The following ASIP variants were observed in gnomAD, a reference collection of about 807,000 sequenced individuals.
ASIP encodes the protein agouti signaling protein.
ASIP carries 11 observed loss-of-function variants against 10.3 expected under a neutral mutation model. The ratio of observed to expected loss-of-function variants is 1.07; its 90% CI spans 0.68 to 1.78. The LOEUF (loss-of-function observed/expected upper bound fraction) is 1.78. ASIP is among the 40% of genes most tolerant of loss of function. The probability of loss-of-function intolerance (pLI) is 0.00; values close to 1 mark genes in which losing one functional copy is unlikely to be tolerated. For missense variants in ASIP, 180 were observed against 169.2 expected, an observed-to-expected ratio of 1.06 and a Z score of -0.35; for synonymous variants, 70 against 70.8, an observed-to-expected ratio of 0.99 and a Z score of 0.06.
intron 1 of ASIP, among the ~76,000 whole-genome samples, chr20:34,211,870 AG>A (rs2034977156): frequency 6.6e-6 from 1 of 152,174 alleles, no homozygotes; most frequent in African/African-American, 2.4e-5. Context: ...TCACATGCCT[AG>A]GTGTACATTT....
chr20:34,250,041 G>T (rs2035447763), intron 1 of ASIP: 1 of 152,238 alleles, frequency 6.6e-6, no homozygotes, highest in Admixed American at 6.5e-5. Flanking sequence ...CTCCATGCTG[G>T]GGTCCAGCTG....
chr20:34,206,146 C>G (rs899353831), intron 1 of ASIP, among the ~76,000 whole-genome samples: 11 of 152,076 alleles, frequency 7.2e-5, no homozygotes, highest in African/African-American at 2.4e-4. Flanking sequence ...GTGCCCGCCT[C>G]TATACCAAGA....
chr20:34,257,700 CTCTGCCTCCACAA>C (rs2035597905), intron 1 of ASIP, among the ~76,000 whole-genome samples: 1 of 152,036 alleles, frequency 6.6e-6, no homozygotes, highest in East Asian at 1.9e-4. Flanking sequence ...GTAATTTTTC[CTCTGCCTCCACAA>C]TCCAAGTTTA....
At chr20:34,256,461 C>T (rs543630401) in intron 1 of ASIP, among the ~76,000 whole-genome samples, 28 of 152,302 alleles carry the variant, frequency 1.8e-4, no homozygotes, top group African/African-American at 6.0e-4. Context: ...CGATAACACC[C>T]GGCTAATTTT....
chr20:34,202,801 C>CTTTT (rs34156089), intron 1 of ASIP, among the ~76,000 whole-genome samples: 238 of 57,216 alleles, frequency 4.2e-3, no homozygotes, highest in African/African-American at 0.014. Flanking sequence ...CTTGGCTATT[C>CTTTT]TTTTTTTTTT....
At chr20:34,256,211 G>C (rs887497851) in intron 1 of ASIP, among the ~76,000 whole-genome samples, 3 of 152,218 alleles carry the variant, frequency 2.0e-5, no homozygotes, top group African/African-American at 7.2e-5. Flanking sequence ...CGTGACTTGT[G>C]TAACCTTATC....
chr20:34,212,231 A>C (rs1437313965), intron 1 of ASIP, among the ~76,000 whole-genome samples: 1 of 152,172 alleles, frequency 6.6e-6, no homozygotes, highest in African/African-American at 2.4e-5. Flanking sequence ...ACGTAAAGAA[A>C]AGTTACAAGA....
chr20:34,235,892 A>AGCG (rs1568756457), intron 1 of ASIP, among the ~76,000 whole-genome samples: 13 of 107,122 alleles, frequency 1.2e-4, no homozygotes, highest in African/African-American at 9.1e-4. Flanking sequence ...GAAGGAAGGA[A>AGCG]GGAAGGAAAG....
chr20:34,215,247 C>A, intron 1 of ASIP: 1 of 1,562,702 alleles, frequency 6.4e-7, no homozygotes. Flanking sequence ...ATAAGTCAAT[C>A]CAAGAGACAT....
intron 1 of ASIP, among the ~76,000 whole-genome samples, chr20:34,202,395 T>C (rs778398209): frequency 3.3e-5 from 5 of 152,226 alleles, no homozygotes; most frequent in Admixed American, 6.5e-5. Context: ...CAATCTTGTC[T>C]GAAACAGTAC....
At chr20:34,205,187 G>A (rs764653443) in intron 1 of ASIP, among the ~76,000 whole-genome samples, 4 of 152,208 alleles carry the variant, frequency 2.6e-5, no homozygotes, top group Non-Finnish European at 4.4e-5. Context: ...GTTCAGATGT[G>A]TCCGGAGTTT....
intron 1 of ASIP, chr20:34,213,775 T>G: frequency 2.0e-6 from 3 of 1,507,362 alleles, no homozygotes; most frequent in Non-Finnish European, 2.8e-6. Flanking sequence ...GAGAATACCC[T>G]TTTGTAAGGG....
chr20:34,262,941 G>T (rs780655512), intron 3 of ASIP, 48 bp downstream of exon 3: 1 of 1,605,200 alleles, frequency 6.2e-7, no homozygotes, highest in Non-Finnish European at 8.5e-7. Context: ...GGTGAGACTG[G>T]ACTTAAAGAA....
intron 1 of ASIP, among the ~76,000 whole-genome samples, chr20:34,249,340 G>C: frequency 6.8e-6 from 1 of 146,704 alleles, no homozygotes; most frequent in African/African-American, 2.5e-5. Flanking sequence ...CCTCCACTGA[G>C]ATATCCGATG....
upstream of ASIP, among the ~76,000 whole-genome samples, chr20:34,240,879 T>G (rs2035274952): frequency 6.6e-6 from 1 of 152,048 alleles, no homozygotes; most frequent in Non-Finnish European, 1.5e-5. Context: ...GGGAGAAATA[T>G]GGGAAGAACA....
At chr20:34,190,944 A>G (rs2034821219), upstream of ASIP, among the ~76,000 whole-genome samples, 1 of 152,142 alleles carries the variant, frequency 6.6e-6, no homozygotes, top group Non-Finnish European at 1.5e-5. Context: ...TGAATTGGTA[A>G]GGGAGGGACT....
chr20:34,235,521 G>A (rs2035168842), intron 1 of ASIP, among the ~76,000 whole-genome samples: 1 of 152,084 alleles, frequency 6.6e-6, no homozygotes, highest in African/African-American at 2.4e-5. Context: ...TATGGGATAT[G>A]GAGAAACTTC....
chr20:34,262,901 C>A lies in ASIP; in HGVS notation c.222+8C>A. Reference sequence around the variant, plus strand: ...AAGAAAAGATCTTCTAAGGTAAGGGCAGGGAAGTTCTGGGAGTTCTCATTG... The same window carrying A: ...AAGAAAAGATCTTCTAAGGTAAGGGAAGGGAAGTTCTGGGAGTTCTCATTG... On this transcript the variant is annotated splice_region_variant and intron_variant, in intron 3 of 3. Coordinates refer to ENST00000374954, the MANE Select transcript of ASIP (RefSeq NM_001672.3). 1 of 1,613,870 alleles carries A rather than the reference C, an allele frequency of 6.2e-7. No individual in the cohort carries two copies. The highest frequency in any genetic ancestry group is 8.5e-7 in the Non-Finnish European group (1 of 1,179,796).
At chr20:34,256,607 T>C (rs1007930587) in intron 1 of ASIP, among the ~76,000 whole-genome samples, 1 of 152,032 alleles carries the variant, frequency 6.6e-6, no homozygotes, top group African/African-American at 2.4e-5. Flanking sequence ...CTGGCCTCTT[T>C]TTCTAGCTCA....
Sources: allele counts gnomAD v4.1 joint callset (sites outside exome capture counted in the v4.1 genomes callset), GRCh38; gene constraint gnomAD v4.1.1; transcripts MANE v1.5; gene names NCBI Gene and HGNC (gene_info 2026-07-23, HGNC 2026-07-21).